The following PCDHGA4 variants were observed in gnomAD, a reference collection of about 807,000 sequenced individuals.
PCDHGA4 encodes protocadherin gamma-A4.
Under a neutral mutation model 54.6 loss-of-function variants are expected in PCDHGA4, and 38 were observed. That is an observed-to-expected ratio of 0.70 (90% CI 0.54 to 0.91). The LOEUF (loss-of-function observed/expected upper bound fraction) is 0.91. Ranked by LOEUF, PCDHGA4 falls within the 40% of genes least tolerant of loss-of-function variation. The pLI is 0.00. For synonymous variants in PCDHGA4, 511 were observed against 512.9 expected (o/e 1.00, Z 0.05); for missense variants, 1,298 against 1,220.9 (o/e 1.06, Z -0.94).
chr5:141,505,520 C>T, intron 3 of PCDHGA4, 39 bp downstream of exon 3: 1 of 1,612,650 alleles, frequency 6.2e-7, no homozygotes, highest in Non-Finnish European at 8.5e-7. Flanking sequence ...AGTGGGAGAC[C>T]TGGGGTTCTG....
At chr5:141,393,569 T>C (rs1227543853) in intron 1 of PCDHGA4, 1 of 1,613,918 alleles carries the variant, frequency 6.2e-7, no homozygotes, top group South Asian at 1.1e-5. Context: ...TGAAAGTCCT[T>C]GAGAACATGC....
Position 141,356,142 on chromosome 5 carries a change from C to T in PCDHGA4, c.1035C>T (p.Phe345=). The T allele has an allele frequency of 6.2e-7, 1 of 1,613,620 alleles. No homozygotes were observed. The highest frequency in any genetic ancestry group is 8.5e-7 in the Non-Finnish European group (1 of 1,179,730). ...GTCTAGATTATGAGGACTCTGGATTCTATGACATAGATGTAGAAGCCCATG... is the reference window on the plus strand; with the variant it reads ...GTCTAGATTATGAGGACTCTGGATTTTATGACATAGATGTAGAAGCCCATG... ...LGGLDYEDSG[F]YDIDVEAHDG... is the part of the protein sequence containing the mutation. Residue 345 remains phenylalanine, a synonymous_variant, in exon 1 of 4, where the codon TTC becomes TTT. Transcript: ENST00000571252.
At chr5:141,414,918 G>A (rs1316323072) in intron 1 of PCDHGA4, 2 of 1,614,180 alleles carry the variant, frequency 1.2e-6, no homozygotes, top group Admixed American at 3.3e-5. Flanking sequence ...GCGTGGAGCT[G>A]GCGCCCCGCT....
chr5:141,442,348 CTG>C (rs1318031659), intron 1 of PCDHGA4: 1 of 152,378 alleles, frequency 6.6e-6, no homozygotes, highest in Non-Finnish European at 1.5e-5. Context: ...TTCTGGGTAA[CTG>C]TAGCTCTATG....
intron 1 of PCDHGA4, chr5:141,414,677 A>AG: frequency 1.9e-6 from 3 of 1,613,794 alleles, no homozygotes; most frequent in South Asian, 2.2e-5. Flanking sequence ...GACACCATCC[A>AG]GGGGGTACCT....
chr5:141,410,682 C>T (rs1589771736), intron 1 of PCDHGA4: 2 of 1,531,954 alleles, frequency 1.3e-6, no homozygotes, highest in South Asian at 1.2e-5. Context: ...ATATTTTAGG[C>T]ATACTACTTT....
chr5:141,387,227 A>T (rs1220813655), intron 1 of PCDHGA4, among the ~76,000 whole-genome samples: 3 of 152,230 alleles, frequency 2.0e-5, no homozygotes, highest in Non-Finnish European at 4.4e-5. Context: ...AAGTTGAAAT[A>T]AATCAACTTG....
chr5:141,421,342 G>A (rs199737254), intron 1 of PCDHGA4: 25 of 1,613,872 alleles, frequency 1.5e-5, no homozygotes, highest in Non-Finnish European at 1.9e-5. Context: ...GGTGCCAGAA[G>A]AGACCGAAAA....
chr5:141,356,192 G>GC lies in PCDHGA4; in HGVS notation c.1086dup (p.Lys363GlnfsTer9), dbSNP rs1165410073. 2 of 1,609,924 alleles carry GC rather than the reference G, an allele frequency of 1.2e-6. No individual in the cohort carries two copies. Among genetic ancestry groups the GC allele is most frequent in the African/African-American group, 2.7e-5 (2 of 74,876 alleles). ...GATGGGCCTGGTCTCCGAGCTAGAA[G>GC]CAAGGTACTGGTGACAGTTCTGGAT... On this transcript the variant is annotated frameshift_variant, in exon 1 of 4. Coordinates refer to ENST00000571252, the MANE Select transcript of PCDHGA4 (RefSeq NM_018917.4). LOFTEE classifies it high-confidence loss of function.
intron 1 of PCDHGA4, among the ~76,000 whole-genome samples, chr5:141,474,089 CAAACAACAACAA>C (rs985204397): frequency 3.3e-5 from 5 of 152,116 alleles, no homozygotes; most frequent in Admixed American, 2.0e-4. Flanking sequence ...AACCAAAAAA[CAAACAACAACAA>C]AAACAACAAC....
intron 1 of PCDHGA4, chr5:141,379,577 A>G (rs949228726): frequency 6.6e-6 from 1 of 152,178 alleles, no homozygotes; most frequent in African/African-American, 2.4e-5. Flanking sequence ...AGGCTGGTTT[A>G]TTTTATTCTC....
At chr5:141,360,821 G>A (rs1214770155) in intron 1 of PCDHGA4, 1 of 1,613,924 alleles carries the variant, frequency 6.2e-7, no homozygotes, top group Non-Finnish European at 8.5e-7. Flanking sequence ...ACCCAAATCC[G>A]AATCAAAGTC....
At chr5:141,398,827 G>A in intron 1 of PCDHGA4, 1 of 1,613,982 alleles carries the variant, frequency 6.2e-7, no homozygotes, top group East Asian at 2.2e-5. Flanking sequence ...CCAGGTAACC[G>A]ACGCCAATGA....
intron 1 of PCDHGA4, chr5:141,409,138 A>G (rs2095229593): frequency 1.2e-6 from 2 of 1,614,046 alleles, no homozygotes; most frequent in Non-Finnish European, 1.7e-6. Flanking sequence ...TTGAAGATGT[A>G]GAAAGGTACA....
chr5:141,459,090 A>G (rs769066156), intron 1 of PCDHGA4, among the ~76,000 whole-genome samples: 4 of 152,218 alleles, frequency 2.6e-5, no homozygotes, highest in Non-Finnish European at 4.4e-5. Flanking sequence ...TTAAAATTAT[A>G]CAGTGCAATG....
intron 1 of PCDHGA4, 144 bp from the exon 2 acceptor site, chr5:141,494,663 G>A: frequency 6.7e-7 from 1 of 1,499,356 alleles, no homozygotes; most frequent in Non-Finnish European, 9.0e-7. Flanking sequence ...TGTCTTTGGA[G>A]ATGAGTCCAC....
chr5:141,393,264 C>T, intron 1 of PCDHGA4: 1 of 1,613,916 alleles, frequency 6.2e-7, no homozygotes, highest in Non-Finnish European at 8.5e-7. Flanking sequence ...TCCTGGAGCA[C>T]GTTATCCACT....
At chr5:141,373,796 CCT>C (rs1278238672) in intron 1 of PCDHGA4, 9 of 310,398 alleles carry the variant, frequency 2.9e-5, no homozygotes, top group African/African-American at 1.3e-4. Flanking sequence ...GAAATAAAAT[CCT>C]CTGTGTGATA....
intron 1 of PCDHGA4, chr5:141,366,190 G>T (rs758700678): frequency 3.1e-6 from 5 of 1,613,816 alleles, no homozygotes; most frequent in African/African-American, 1.3e-5. Context: ...TTGCGGTTGG[G>T]CTGCACACGG....
Sources: gnomAD v4.1 joint callset for allele counts (sites outside exome capture counted in the v4.1 genomes callset) on GRCh38, gnomAD v4.1.1 for gene constraint, MANE v1.5 for transcripts, NCBI Gene and HGNC (gene_info 2026-07-23, HGNC 2026-07-21) for gene names.